The following NOTCH2NLR variants were observed in gnomAD, a reference collection of about 807,000 sequenced individuals.
NOTCH2NLR encodes the protein notch 2 N-terminal like R.
A neutral mutation model predicts 35.6 loss-of-function variants in NOTCH2NLR; 33 were observed. The ratio of observed to expected loss-of-function variants is 0.93; its 90% CI spans 0.70 to 1.24. The LOEUF (loss-of-function observed/expected upper bound fraction) is 1.24. NOTCH2NLR is among the 50% of genes most tolerant of loss of function. The probability of loss-of-function intolerance (pLI) is 0.00; values close to 1 mark genes in which losing one functional copy is unlikely to be tolerated. For synonymous variants in NOTCH2NLR, 103 were observed against 141.0 expected (o/e 0.73, Z 1.91); for missense variants, 276 against 362.2 (o/e 0.76, Z 1.93).
exon 1 of NOTCH2NLR, chr1:120,724,166 G>A: frequency 7.2e-7 from 1 of 1,384,800 alleles, no homozygotes; most frequent in Non-Finnish European, 9.4e-7. Flanking sequence ...GGAGGAGGAG[G>A]CGACCGAGAA....
At chr1:120,790,712 G>T (rs1287993334) in intron 3 of NOTCH2NLR, among the ~76,000 whole-genome samples, 2 of 111,212 alleles carry the variant, frequency 1.8e-5, no homozygotes, top group Non-Finnish European at 3.4e-5. Flanking sequence ...TGATTCTTGT[G>T]CCTCAGCCTC....
At position 120,777,651 on chromosome 1, in the gene NOTCH2NLR, TTTTC is replaced by T. The variant is rs1651313617; in HGVS notation, c.156-7315_156-7312del. Among the ~76,000 whole-genome samples the T allele has an allele frequency of 1.9e-4, 4 of 20,840 alleles. 1 individual carries two copies. The South Asian group carries it at 3.7e-3, about 19-fold the overall frequency. 13.7% of individuals were successfully genotyped at this position (20,840 alleles called of 152,430 possible). A position where few individuals can be genotyped will look rare whatever the true frequency, so the allele number is the denominator to read the frequency against. ...CTGAGTAAGCTATAGTATTTCCTTT[TTTTC>T]TTTCTTTTTTTTTTGAGAGAAGGGG... is the stretch of plus-strand genomic sequence containing the variant. On this transcript the variant is annotated intron_variant, in intron 2 of 4. Coordinates refer to ENST00000624419, the Ensembl canonical transcript of NOTCH2NLR.
Position 120,754,256 on chromosome 1 carries a change from G to A in NOTCH2NLR, c.74-9372G>A, listed in dbSNP as rs1390871232. ...TTTACTAAAAGCACAGGAAATTGGT[G>A]ACAGGCAAAATTTGTCTTGATAATC... On this transcript the variant is annotated intron_variant, in intron 1 of 4. Transcript: ENST00000624419. Among the ~76,000 whole-genome samples the A allele has an allele frequency of 5.7e-5, 2 of 35,074 alleles. 1 individual carries two copies. The highest frequency in any genetic ancestry group is 9.7e-5 in the Non-Finnish European group (2 of 20,644). The allele number at this position is 35,074 out of a possible 152,430, so 23.0% of individuals were successfully genotyped here.
At chr1:120,793,726 T>A in intron 4 of NOTCH2NLR, 21 bp from the exon 5 acceptor site, 1 of 677,556 alleles carries the variant, frequency 1.5e-6, no homozygotes. Context: ...GCTAGAAAAT[T>A]GTTTATTGTC....
intron 2 of NOTCH2NLR, among the ~76,000 whole-genome samples, chr1:120,776,055 T>A (rs1333468601): frequency 8.9e-6 from 1 of 112,398 alleles, no homozygotes; most frequent in Non-Finnish European, 1.7e-5. Flanking sequence ...ATTTATAGGG[T>A]CTTTTTAAGG....
chr1:120,727,846 T>C (rs1650832560), intron 1 of NOTCH2NLR, among the ~76,000 whole-genome samples: 1 of 117,432 alleles, frequency 8.5e-6, no homozygotes, highest in Admixed American at 8.1e-5. Context: ...CCAAAAGGTC[T>C]TCTTTTCTTT....
chr1:120,746,068 T>G (rs1214473816), intron 1 of NOTCH2NLR, among the ~76,000 whole-genome samples: 1 of 7,706 alleles, frequency 1.3e-4, no homozygotes, highest in African/African-American at 1.4e-3. Flanking sequence ...CCGGCTAATT[T>G]TTTTGTATTT....
chr1:120,753,798 ATGT>A lies in NOTCH2NLR; in HGVS notation c.74-9825_74-9823del, dbSNP rs1651049434. On this transcript the variant is annotated intron_variant, in intron 1 of 4. Coordinates refer to ENST00000624419, the Ensembl canonical transcript of NOTCH2NLR. ...CCTGAGCAATTTAAGCTAAAAGAAT[ATGT>A]TGTTTCTTTTGGGTGTATAGCAAGA... Among the ~76,000 whole-genome samples the A allele has an allele frequency of 8.9e-5, 3 of 33,720 alleles. No homozygotes were observed. The South Asian group carries it at 2.7e-3, about 30-fold the overall frequency. 22.1% of individuals were successfully genotyped at this position (33,720 alleles called of 152,430 possible).
chr1:120,793,148 ATCCT>A lies in NOTCH2NLR; in HGVS notation c.416-7_416-4del, dbSNP rs1651511781. 1 of 1,258,600 alleles carries A rather than the reference ATCCT, an allele frequency of 7.9e-7. No individual in the cohort carries two copies. Among genetic ancestry groups the A allele is most frequent in the South Asian group, 1.3e-5 (1 of 79,162 alleles). 78.0% of individuals were successfully genotyped at this position (1,258,600 alleles called of 1,614,324 possible). ...TCTGTGGCCAGTACTGAGTTTTGTT[ATCCT>A]TCCTTTAGGTAAGGAGTGCCAATGG... On this transcript the variant is annotated splice_polypyrimidine_tract_variant and intron_variant, in intron 3 of 4. Transcript: ENST00000624419.
intron 1 of NOTCH2NLR, among the ~76,000 whole-genome samples, chr1:120,726,098 AAAT>A (rs1650811592): frequency 1.0e-5 from 1 of 99,684 alleles, no homozygotes; most frequent in South Asian, 2.9e-4. Context: ...ATTAAGTATT[AAAT>A]AATATGTCAG....
In NOTCH2NLR at chr1:120,763,663, A is replaced by G; in HGVS notation, c.109A>G (p.Asn37Asp). ...TCGAGATGGCTATGAACCCTGTGTAAATAAAGGAATGTGTGTTACCTACCA... is the reference window on the plus strand; with the variant it reads ...TCGAGATGGCTATGAACCCTGTGTAGATAAAGGAATGTGTGTTACCTACCA... Residue 37 changes from asparagine (N) to aspartate (D), a missense_variant, in exon 2 of 5, where the codon AAT becomes GAT. Asn to Asp is a conservative substitution (Grantham distance 23). Coordinates refer to ENST00000624419, the Ensembl canonical transcript of NOTCH2NLR. 4.2e-6 allele frequency: 6 copies of G among 1,415,394 alleles called. 1 individual carries two copies. Among genetic ancestry groups the G allele is most frequent in the Non-Finnish European group, 5.7e-6 (6 of 1,056,798 alleles). The allele number at this position is 1,415,394 out of a possible 1,614,324, so 87.7% of individuals were successfully genotyped here. A position where few individuals can be genotyped will look rare whatever the true frequency, so the allele number is the denominator to read the frequency against.
intron 1 of NOTCH2NLR, among the ~76,000 whole-genome samples, chr1:120,758,162 G>C (rs1651095017): frequency 8.0e-6 from 1 of 124,598 alleles, no homozygotes; most frequent in East Asian, 2.0e-4. Flanking sequence ...ACTGGGCAGA[G>C]AATGCAGTGG....
In NOTCH2NLR at chr1:120,781,853, T is replaced by C. The variant is rs1301414677; in HGVS notation, c.156-3121T>C. Among the ~76,000 whole-genome samples the C allele has an allele frequency of 5.9e-5, 7 of 117,726 alleles. 1 individual carries two copies. The highest frequency in any genetic ancestry group is 3.3e-4 in the African/African-American group (7 of 20,900). 77.2% of individuals were successfully genotyped at this position (117,726 alleles called of 152,430 possible). ...GATTACTGGTGTGAGCCACCGCACC[T>C]GGCTTAGCTGTAAAATCTTAATCTT... On this transcript the variant is annotated intron_variant, in intron 2 of 4. Coordinates refer to ENST00000624419, the Ensembl canonical transcript of NOTCH2NLR.
rs1175562965 is a variant in NOTCH2NLR, at chr1:120,775,766, C to T, written c.156-9208C>T. On this transcript the variant is annotated intron_variant, in intron 2 of 4. Coordinates refer to ENST00000624419, the Ensembl canonical transcript of NOTCH2NLR. ...ATGTAGTCAGTCTTTTATCAACAAC[C>T]GATGAAAGACTAATAAAAGTGCAAG... Among the ~76,000 whole-genome samples the T allele has an allele frequency of 1.0e-4, 8 of 76,228 alleles. 1 individual carries two copies. The South Asian group carries it at 1.1e-3, about 10-fold the overall frequency. The allele number at this position is 76,228 out of a possible 152,430, so 50.0% of individuals were successfully genotyped here. A position where few individuals can be genotyped will look rare whatever the true frequency, so the allele number is the denominator to read the frequency against.
intron 1 of NOTCH2NLR, 131 bp downstream of exon 1, chr1:120,724,381 T>G (rs1650791550): frequency 7.4e-7 from 1 of 1,347,232 alleles, no homozygotes; most frequent in Admixed American, 2.3e-5. Flanking sequence ...GGCCACTCGC[T>G]GGGTTCCCAA....
chr1:120,754,718 T>C lies in NOTCH2NLR; in HGVS notation c.74-8910T>C, dbSNP rs1651061745. Among the ~76,000 whole-genome samples, 11 of 114,762 alleles carry C rather than the reference T, an allele frequency of 9.6e-5. 1 individual carries two copies. In the South Asian group the frequency reaches 2.8e-3, roughly 29 times the overall value. 75.3% of individuals were successfully genotyped at this position (114,762 alleles called of 152,430 possible). A position where few individuals can be genotyped will look rare whatever the true frequency, so the allele number is the denominator to read the frequency against. On this transcript the variant is annotated intron_variant, in intron 1 of 4. Coordinates refer to ENST00000624419, the Ensembl canonical transcript of NOTCH2NLR. ...TAGTTTTTACCATAATACACATGGC[T>C]TAAGATTTATAGGAGGCTAAGAGTG...
At chr1:120,768,624 A>G (rs1411738413) in intron 2 of NOTCH2NLR, among the ~76,000 whole-genome samples, 2 of 109,302 alleles carry the variant, frequency 1.8e-5, no homozygotes, top group East Asian at 4.5e-4. Flanking sequence ...AAAAAACAAA[A>G]CTGTAAATGT....
intron 2 of NOTCH2NLR, among the ~76,000 whole-genome samples, chr1:120,770,569 C>T (rs1354643205): frequency 8.4e-6 from 1 of 118,516 alleles, no homozygotes. Context: ...TGCTAGCTAA[C>T]ATTATTGCAT....
chr1:120,790,540 CTTT>C lies in NOTCH2NLR; in HGVS notation c.416-2620_416-2618del, dbSNP rs1651476670. 2.5e-4 allele frequency among the ~76,000 whole-genome samples: 12 copies of C among 48,088 alleles called. 1 individual carries two copies. The highest frequency in any genetic ancestry group is 4.6e-4 in the East Asian group (1 of 2,160). 31.5% of individuals were successfully genotyped at this position (48,088 alleles called of 152,430 possible). A position where few individuals can be genotyped will look rare whatever the true frequency, so the allele number is the denominator to read the frequency against. The stretch of plus-strand genomic sequence containing the variant: ...TCTTTCTTTCTTTCTCCCTCCCTTT[CTTT>C]CTTTCTTTCTTTCTTTCTTTCTTTC... On this transcript the variant is annotated intron_variant, in intron 3 of 4. Transcript: ENST00000624419.
Sources: allele counts gnomAD v4.1 joint callset (sites outside exome capture counted in the v4.1 genomes callset), GRCh38; gene constraint gnomAD v4.1.1; transcripts MANE v1.5; gene names NCBI Gene and HGNC (gene_info 2026-07-23, HGNC 2026-07-21).